Variants in TM7SF3 observed in about 807,000 individuals in gnomAD.
TM7SF3 encodes seven span transmembrane protein.
In TM7SF3, 60 loss-of-function variants were observed where a neutral mutation model predicts 65.5. The observed-to-expected ratio is 0.92, with a 90% CI of 0.74 to 1.14. The LOEUF (loss-of-function observed/expected upper bound fraction) is 1.14, where lower values mean the gene tolerates loss of function less well. TM7SF3 is among the 50% of genes most tolerant of loss of function. The pLI is 0.00. For missense variants in TM7SF3, 623 were observed against 684.8 expected (o/e 0.91, Z 1.01); for synonymous variants, 264 against 259.6 (o/e 1.02, Z -0.16).
Position 26,979,772 on chromosome 12 carries a change from C to T in TM7SF3, c.1189+12G>A. On this transcript the variant is annotated intron_variant, in intron 9 of 11. Transcript: ENST00000343028. Reference sequence around the variant, plus strand: ...ACTCGAACACACAAAACATCTGTTACATATCGCCTACCCAGTGGAGTAAAG... The same window carrying T: ...ACTCGAACACACAAAACATCTGTTATATATCGCCTACCCAGTGGAGTAAAG... The T allele has an allele frequency of 6.2e-7, 1 of 1,613,590 alleles. No homozygotes were observed. Among genetic ancestry groups the T allele is most frequent in the African/African-American group, 1.3e-5 (1 of 75,032 alleles).
intron 5 of TM7SF3, among the ~76,000 whole-genome samples, chr12:26,993,509 A>G (rs1565585): frequency 0.81 from 122,611 of 152,166 alleles, 49,705 homozygotes; most frequent in East Asian, 1. Context: ...TGCACTACAT[A>G]AGCACGTAAT....
intron 6 of TM7SF3, among the ~76,000 whole-genome samples, chr12:26,985,615 G>A (rs1940014739): frequency 2.4e-5 from 2 of 82,520 alleles, no homozygotes; most frequent in Non-Finnish European, 2.1e-5. Flanking sequence ...ACAAGAGTGA[G>A]ACTGTCAAAA....
At chr12:27,004,994 G>GT (rs1404412286) in intron 1 of TM7SF3, among the ~76,000 whole-genome samples, 1 of 151,994 alleles carries the variant, frequency 6.6e-6, no homozygotes, top group Non-Finnish European at 1.5e-5. Flanking sequence ...GTGTGCACGT[G>GT]TTTTTTCTTT....
chr12:26,994,353 T>C (rs1940501776), intron 5 of TM7SF3, among the ~76,000 whole-genome samples: 1 of 152,144 alleles, frequency 6.6e-6, no homozygotes, highest in Non-Finnish European at 1.5e-5. Context: ...TCTATTGCAG[T>C]GAGTCTCAAA....
rs537131984 is a variant in TM7SF3, at chr12:26,999,747, G to A, written c.247-71C>T. The A allele has an allele frequency of 2.6e-5, 39 of 1,481,220 alleles. No homozygotes were observed. In the East Asian group the frequency reaches 8.2e-4, roughly 31 times the overall value. The allele number at this position is 1,481,220 out of a possible 1,614,324, so 91.8% of individuals were successfully genotyped here. ...ACATAAATTACTGAGCTGATCCAGT[G>A]TGCATGTCCTATTCCAAATCTTCCC... is the stretch of plus-strand genomic sequence containing the variant. On this transcript the variant is annotated intron_variant, in intron 2 of 11. Coordinates refer to ENST00000343028, the MANE Select transcript of TM7SF3 (RefSeq NM_016551.3).
At chr12:27,004,662 C>A (rs1483059617) in intron 1 of TM7SF3, among the ~76,000 whole-genome samples, 9 of 151,126 alleles carry the variant, frequency 6.0e-5, no homozygotes, top group Admixed American at 2.6e-4. Flanking sequence ...GGAAGAACAG[C>A]CAAAAAAAAG....
At chr12:27,005,428 CA>C (rs1002363137) in intron 1 of TM7SF3, among the ~76,000 whole-genome samples, 59 of 152,258 alleles carry the variant, frequency 3.9e-4, no homozygotes, top group African/African-American at 1.3e-3. Flanking sequence ...AAAGGTTATC[CA>C]AGGCTTCTGT....
chr12:26,997,047 C>T (rs376136655), intron 3 of TM7SF3, among the ~76,000 whole-genome samples, 185 bp from the exon 4 acceptor site: 75 of 152,302 alleles, frequency 4.9e-4, no homozygotes, highest in African/African-American at 1.6e-3. Context: ...AACTGAGGTT[C>T]AGGGCCCTAG....
At chr12:27,014,018 G>A (rs1469318974) in intron 1 of TM7SF3, 60 bp downstream of exon 1, 2 of 1,428,786 alleles carry the variant, frequency 1.4e-6, no homozygotes, top group Admixed American at 2.0e-5. Context: ...GGCGGATTTT[G>A]ACCTCGCAAG....
At chr12:26,989,938 C>T (rs1940272516) in intron 6 of TM7SF3, among the ~76,000 whole-genome samples, 1 of 152,176 alleles carries the variant, frequency 6.6e-6, no homozygotes, top group Admixed American at 6.5e-5. Flanking sequence ...ACACAGGCTG[C>T]CTGCCCCTGC....
At chr12:26,974,259 C>A in intron 11 of TM7SF3, 32 bp from the exon 12 acceptor site, 1 of 1,593,342 alleles carries the variant, frequency 6.3e-7, no homozygotes. Flanking sequence ...ACAGTTTGAA[C>A]TCTAGTATTT....
intron 5 of TM7SF3, among the ~76,000 whole-genome samples, chr12:26,993,778 G>A (rs923934066): frequency 6.6e-6 from 1 of 152,196 alleles, no homozygotes; most frequent in Non-Finnish European, 1.5e-5. Context: ...GCACTCTTCT[G>A]CAAAGAGCTT....
At chr12:27,002,233 C>T (rs990151466) in intron 2 of TM7SF3, among the ~76,000 whole-genome samples, 3 of 151,966 alleles carry the variant, frequency 2.0e-5, no homozygotes, top group African/African-American at 4.8e-5. Context: ...GATGCCCAGA[C>T]AGGCGGATCA....
intron 3 of TM7SF3, among the ~76,000 whole-genome samples, chr12:26,999,223 C>T (rs1259991905): frequency 1.3e-5 from 2 of 151,986 alleles, no homozygotes; most frequent in Non-Finnish European, 2.9e-5. Context: ...GGTGAAACGC[C>T]ATCTCTACTA....
At chr12:26,974,283 A>C in intron 11 of TM7SF3, 56 bp from the exon 12 acceptor site, 1 of 1,545,966 alleles carries the variant, frequency 6.5e-7, no homozygotes, top group Non-Finnish European at 8.8e-7. Flanking sequence ...AATCTAACAT[A>C]ATAATACAAC....
In TM7SF3 at chr12:26,999,561, T is replaced by G. The variant is rs1592304961; in HGVS notation, c.362A>C (p.Gln121Pro). Residue 121 changes from glutamine (Q) to proline (P), a missense_variant, in exon 3 of 12, where the codon CAG becomes CCG. Gln to Pro is a moderately conservative substitution (Grantham distance 76, BLOSUM62 -1). Transcript: ENST00000343028. ...GTAGGAGAGTAGGATAGCCATATTC[T>G]GGACAGGCTGTATGCCTGAAGTCCC... ...YLGTSGIQPV[Q>P]NMAILLSYSE... 1 of 1,614,200 alleles carries G rather than the reference T, an allele frequency of 6.2e-7. No individual in the cohort carries two copies.
chr12:26,998,101 G>A (rs1940676313), intron 3 of TM7SF3, among the ~76,000 whole-genome samples: 1 of 152,084 alleles, frequency 6.6e-6, no homozygotes, highest in African/African-American at 2.4e-5. Context: ...CCAAAGTGCT[G>A]GGATTACAGG....
At chr12:26,976,167 A>C in intron 10 of TM7SF3, 93 bp downstream of exon 10, 2 of 965,168 alleles carry the variant, frequency 2.1e-6, no homozygotes, top group South Asian at 2.8e-5. Context: ...AGCCCTCCCC[A>C]GTGAATAAAA....
At chr12:26,985,078 G>C (rs536381532) in intron 6 of TM7SF3, among the ~76,000 whole-genome samples, 1 of 152,298 alleles carries the variant, frequency 6.6e-6, no homozygotes, top group African/African-American at 2.4e-5. Flanking sequence ...CTGGATCAGA[G>C]CTCTCTGTCT....
Sources: gnomAD v4.1 joint callset for allele counts (sites outside exome capture counted in the v4.1 genomes callset) on GRCh38, gnomAD v4.1.1 for gene constraint, MANE v1.5 for transcripts, NCBI Gene and HGNC (gene_info 2026-07-23, HGNC 2026-07-21) for gene names.